Variants in BICD1 observed in about 807,000 individuals in gnomAD.
The protein encoded by BICD1 is protein bicaudal D homolog 1.
In BICD1, 35 loss-of-function variants were observed where a neutral mutation model predicts 92.5. That is an observed-to-expected ratio of 0.38 (90% CI 0.29 to 0.50). BICD1 has a LOEUF of 0.50. Ranked by LOEUF, BICD1 falls within the 20% of genes least tolerant of loss-of-function variation. BICD1 has a pLI of 0.93. For missense variants in BICD1, 950 were observed against 1,189.8 expected (o/e 0.80, Z 2.97); for synonymous variants, 429 against 465.1 (o/e 0.92, Z 1.00).
intron 2 of BICD1, among the ~76,000 whole-genome samples, chr12:32,247,835 A>G (rs1472856420): frequency 3.3e-5 from 5 of 151,978 alleles, no homozygotes; most frequent in Non-Finnish European, 7.4e-5. Flanking sequence ...CTGTAATCCC[A>G]GCACTTTGGG....
rs1051815676 is a variant in BICD1, at chr12:32,380,038, T to A, written c.*2411T>A. 6.6e-6 allele frequency: 1 copy of A among 152,180 alleles called. No homozygotes were observed. Among genetic ancestry groups the A allele is most frequent in the African/African-American group, 2.4e-5 (1 of 41,446 alleles). The allele number at this position is 152,180 out of a possible 1,614,324, so 9.4% of individuals were successfully genotyped here. ...ATTTCAGTTATTTATCTTCATAGAG[T>A]GGGAAAGTCTTTTTCTGAAATACTA... On this transcript the variant is annotated 3_prime_UTR_variant, in exon 10 of 10. Transcript: ENST00000652176.
At chr12:32,273,356 A>G (rs1947191362) in intron 2 of BICD1, among the ~76,000 whole-genome samples, 1 of 152,210 alleles carries the variant, frequency 6.6e-6, no homozygotes, top group Non-Finnish European at 1.5e-5. Context: ...CTGGTAGAGT[A>G]TAAACTGGAG....
intron 1 of BICD1, among the ~76,000 whole-genome samples, chr12:32,116,731 G>A (rs1012548243): frequency 3.7e-4 from 56 of 150,884 alleles, no homozygotes; most frequent in Non-Finnish European, 6.5e-4. Flanking sequence ...AGGCTCAGGT[G>A]GCCCAACTAA....
intron 2 of BICD1, among the ~76,000 whole-genome samples, chr12:32,240,206 C>T (rs184799688): frequency 6.6e-6 from 1 of 152,310 alleles, no homozygotes; most frequent in East Asian, 1.9e-4. Context: ...ATTTTCACCC[C>T]TTTGGGGGCC....
At chr12:32,235,558 GTT>G (rs61449001) in intron 2 of BICD1, among the ~76,000 whole-genome samples, 17 of 151,178 alleles carry the variant, frequency 1.1e-4, no homozygotes, top group East Asian at 1.9e-4. Flanking sequence ...GATATTGTGG[GTT>G]TTTTTTTTTA....
At chr12:32,367,876 A>G (rs1301686959) in intron 9 of BICD1, 131 bp downstream of exon 9, 4 of 796,104 alleles carry the variant, frequency 5.0e-6, no homozygotes, top group African/African-American at 1.7e-5. Context: ...TGTGGGCTAC[A>G]TAGACACACA....
intron 1 of BICD1, among the ~76,000 whole-genome samples, chr12:32,215,581 T>A (rs1007486847): frequency 1.3e-5 from 2 of 152,256 alleles, no homozygotes; most frequent in African/African-American, 2.4e-5. Flanking sequence ...TGAGATTTTT[T>A]AAAAAATGAA....
At chr12:32,179,640 A>G (rs1040238798) in intron 1 of BICD1, among the ~76,000 whole-genome samples, 1 of 151,958 alleles carries the variant, frequency 6.6e-6, no homozygotes. Flanking sequence ...TCATAGCAGT[A>G]ATAAGGATTT....
chr12:32,301,692 TTGAGAC>T (rs1161775128), intron 3 of BICD1, among the ~76,000 whole-genome samples: 1 of 151,688 alleles, frequency 6.6e-6, no homozygotes, highest in African/African-American at 2.4e-5. Flanking sequence ...GGAGGATTGA[TTGAGAC>T]TGGGAGATCA....
chr12:32,349,840 GACA>G (rs1298627636), intron 8 of BICD1, among the ~76,000 whole-genome samples: 3 of 152,176 alleles, frequency 2.0e-5, no homozygotes, highest in Non-Finnish European at 4.4e-5. Flanking sequence ...GCTGAATTCT[GACA>G]ACGTGCCAAC....
At position 32,377,877 on chromosome 12, in the gene BICD1, TA is replaced by T. The variant is rs1055095079; in HGVS notation, c.*258del. Reference sequence around the variant, plus strand: ...CAAATGGCTACAGTTCATTTAAATTTAAAAAAAAGAAAAAAGAAACAGAAAA... The same window carrying T: ...CAAATGGCTACAGTTCATTTAAATTTAAAAAAAGAAAAAAGAAACAGAAAA... On this transcript the variant is annotated 3_prime_UTR_variant, in exon 10 of 10. Transcript: ENST00000652176. 26 of 379,922 alleles carry T rather than the reference TA, an allele frequency of 6.8e-5. No individual in the cohort carries two copies. Among genetic ancestry groups the T allele is most frequent in the South Asian group, 2.2e-4 (4 of 18,402 alleles). The allele number at this position is 379,922 out of a possible 1,614,324, so 23.5% of individuals were successfully genotyped here.
chr12:32,323,603 T>C (rs1440235616), intron 4 of BICD1, among the ~76,000 whole-genome samples: 1 of 152,246 alleles, frequency 6.6e-6, no homozygotes, highest in African/African-American at 2.4e-5. Flanking sequence ...AGCCATAATA[T>C]ATAATTTGTG....
intron 4 of BICD1, among the ~76,000 whole-genome samples, chr12:32,314,795 T>C (rs1333011165): frequency 6.6e-6 from 1 of 151,968 alleles, no homozygotes; most frequent in Non-Finnish European, 1.5e-5. Context: ...GGTCTCACTA[T>C]GTTGCCCAGG....
chr12:32,272,252 G>C (rs1371790205), intron 2 of BICD1, among the ~76,000 whole-genome samples: 1 of 152,148 alleles, frequency 6.6e-6, no homozygotes, highest in Non-Finnish European at 1.5e-5. Flanking sequence ...GACAAACTGG[G>C]GAAGAGAGGT....
At chr12:32,346,616 G>GTGTA (rs1555171266) in intron 8 of BICD1, among the ~76,000 whole-genome samples, 1 of 2,876 alleles carries the variant, frequency 3.5e-4, no homozygotes, top group African/African-American at 6.9e-4. Context: ...ATATATACGT[G>GTGTA]TATATATATA....
At chr12:32,162,225 G>A (rs1943620180) in intron 1 of BICD1, among the ~76,000 whole-genome samples, 1 of 152,194 alleles carries the variant, frequency 6.6e-6, no homozygotes, top group Non-Finnish European at 1.5e-5. Flanking sequence ...AGTATGAAAT[G>A]TGCAGGTTTT....
At chr12:32,304,797 T>C (rs775326287) in intron 3 of BICD1, among the ~76,000 whole-genome samples, 2 of 152,144 alleles carry the variant, frequency 1.3e-5, no homozygotes, top group Non-Finnish European at 2.9e-5. Flanking sequence ...GCCAGAGGAT[T>C]GCTTGAGCCC....
intron 1 of BICD1, among the ~76,000 whole-genome samples, chr12:32,123,617 C>T (rs145194221): frequency 5.9e-5 from 9 of 152,310 alleles, no homozygotes; most frequent in East Asian, 1.9e-4. Context: ...TGGCGCACGC[C>T]GGTAATCCCA....
intron 1 of BICD1, among the ~76,000 whole-genome samples, chr12:32,146,847 C>T (rs1315075554): frequency 1.4e-5 from 2 of 139,384 alleles, no homozygotes; most frequent in Non-Finnish European, 3.1e-5. Context: ...TCCTTCCTTC[C>T]TTCTCCTCCT....
Sources: allele counts gnomAD v4.1 joint callset (sites outside exome capture counted in the v4.1 genomes callset), GRCh38; gene constraint gnomAD v4.1.1; transcripts MANE v1.5; gene names NCBI Gene and HGNC (gene_info 2026-07-23, HGNC 2026-07-21).